The following SCUBE3 variants were observed in gnomAD, a reference collection of about 807,000 sequenced individuals.
SCUBE3 encodes signal peptide, CUB domain and EGF like domain containing 3, also known as signal peptide, CUB and EGF-like domain-containing protein 3.
SCUBE3 carries 33 observed loss-of-function variants against 116.8 expected under a neutral mutation model. The observed-to-expected ratio is 0.28, with a 90% CI of 0.21 to 0.38. SCUBE3 has a LOEUF of 0.38. Among genes scored for constraint, SCUBE3 ranks in the 10% least tolerant of loss-of-function variants. The pLI, the probability that SCUBE3 is intolerant of heterozygous loss-of-function variation, is 1.00. For synonymous variants in SCUBE3, 418 were observed against 496.9 expected, an observed-to-expected ratio of 0.84 and a Z score of 2.11; for missense variants, 1,007 against 1,324.8, an observed-to-expected ratio of 0.76 and a Z score of 3.72.
rs759199607 is a variant in SCUBE3, at chr6:35,227,746, A to AG, written c.208+46dup. ...CTGGAGGAGAGGGACCTGTGGAAGA[A>AG]GGCAAACCAGTGCCACTGCCCTCAG... On this transcript the variant is annotated intron_variant, in intron 2 of 21. Coordinates refer to ENST00000274938, the MANE Select transcript of SCUBE3 (RefSeq NM_152753.4). 9.9e-6 allele frequency: 16 copies of AG among 1,609,386 alleles called. No individual in the cohort carries two copies. The East Asian group carries it at 3.6e-4, about 36-fold the overall frequency.
rs758921237 is a variant in SCUBE3 at position 35,232,874 on chromosome 6, A to G, written c.494A>G (p.Asn165Ser). The change falls in exon 5 of 22, where the codon AAC becomes AGC. Residue 165 changes from asparagine to serine, a missense_variant. Around this residue, in one of 5 missense-constraint regions of SCUBE3, gnomAD observed 214 missense variants for 316.7 expected, o/e 0.68. Coordinates refer to ENST00000274938, the MANE Select transcript of SCUBE3 (RefSeq NM_152753.4). This position sits in a 1 kb window ranked among gnomAD's most constrained non-coding sequence, Gnocchi z 4.2. ...GAAGGAATGAATTGCATGAACAAGA[A>G]CCACGGCTGTGCCCACATTTGCCGG... ...PEEGMNCMNK[N>S]HGCAHICRET... The G allele has an allele frequency of 1.9e-6, 3 of 1,614,088 alleles. No homozygotes were observed. The highest frequency in any genetic ancestry group is 2.5e-6 in the Non-Finnish European group (3 of 1,179,998).
Position 35,241,983 on chromosome 6 carries a change from A to G in SCUBE3, c.1417+73A>G. The G allele has an allele frequency of 8.9e-7, 1 of 1,122,398 alleles. No individual in the cohort carries two copies. Among genetic ancestry groups the G allele is most frequent in the Admixed American group, 1.7e-5 (1 of 58,486 alleles). 69.5% of individuals were successfully genotyped at this position (1,122,398 alleles called of 1,614,324 possible). On this transcript the variant is annotated intron_variant, in intron 12 of 21. Coordinates refer to ENST00000274938, the MANE Select transcript of SCUBE3 (RefSeq NM_152753.4). This position sits in a 1 kb window ranked among gnomAD's most constrained non-coding sequence, Gnocchi z 4.1. The stretch of plus-strand genomic sequence containing the variant: ...AATCCCTTATTTTTGTTCTTCATCA[A>G]TCCCCTGGCCTTCCTTTCTCCTGGA...
At position 35,214,451 on chromosome 6, in the gene SCUBE3, G is replaced by A. The variant is rs1023964307; in HGVS notation, c.33G>A (p.Leu11=). 1.3e-6 allele frequency: 2 copies of A among 1,506,314 alleles called. No individual in the cohort carries two copies. The highest frequency in any genetic ancestry group is 1.4e-5 in the African/African-American group (1 of 69,942). The allele number at this position is 1,506,314 out of a possible 1,614,324, so 93.3% of individuals were successfully genotyped here. A position where few individuals can be genotyped will look rare whatever the true frequency, so the allele number is the denominator to read the frequency against. Reference sequence around the variant, plus strand: ...CGGGGCGCGTACCCGGGCTCTGCCTGCTTGTCCTGCTGGTCCACGCCCGCG... The same window carrying A: ...CGGGGCGCGTACCCGGGCTCTGCCTACTTGTCCTGCTGGTCCACGCCCGCG... MGSGRVPGLC[L]LVLLVHARAA... Residue 11 remains leucine (L), a synonymous_variant, in exon 1 of 22, where the codon CTG becomes CTA. Coordinates refer to ENST00000274938, the MANE Select transcript of SCUBE3 (RefSeq NM_152753.4). This position sits in a 1 kb window ranked among gnomAD's most constrained non-coding sequence, Gnocchi z 6.3.
In SCUBE3 at chr6:35,235,376, G is replaced by A. The variant is rs1783725230; in HGVS notation, c.712+2075G>A. 1.4e-6 allele frequency: 1 copy of A among 711,904 alleles called. No individual in the cohort carries two copies. Among genetic ancestry groups the A allele is most frequent in the Non-Finnish European group, 2.2e-6 (1 of 460,016 alleles). The allele number at this position is 711,904 out of a possible 1,614,324, so 44.1% of individuals were successfully genotyped here. On this transcript the variant is annotated intron_variant, in intron 6 of 21. Coordinates refer to ENST00000274938, the MANE Select transcript of SCUBE3 (RefSeq NM_152753.4). The surrounding 1 kb of genome is among the most constrained non-coding windows in gnomAD (Gnocchi z 4.5). ...GCAGTGGGGAGGAGAGGGTGGGGAGGGGTCCGGGGCCAGAGGGCCACAGTG... is the reference window on the plus strand; with the variant it reads ...GCAGTGGGGAGGAGAGGGTGGGGAGAGGTCCGGGGCCAGAGGGCCACAGTG...
At position 35,233,353 on chromosome 6, in the gene SCUBE3, G is replaced by A. The variant is rs936958235; in HGVS notation, c.712+52G>A. 2.9e-6 allele frequency: 3 copies of A among 1,026,174 alleles called. No individual in the cohort carries two copies. In the African/African-American group the frequency reaches 4.7e-5, roughly 16 times the overall value. The allele number at this position is 1,026,174 out of a possible 1,614,324, so 63.6% of individuals were successfully genotyped here. A position where few individuals can be genotyped will look rare whatever the true frequency, so the allele number is the denominator to read the frequency against. ...TCCACCTGAGATGGGGTGGGGGTGG[G>A]ACCCTTTGGGAACCAGGGAAGTGGA... On this transcript the variant is annotated intron_variant, in intron 6 of 21. Coordinates refer to ENST00000274938, the MANE Select transcript of SCUBE3 (RefSeq NM_152753.4). The surrounding 1 kb of genome is among the most constrained non-coding windows in gnomAD (Gnocchi z 5.7).
rs1784591054 is a variant in SCUBE3 at position 35,252,578 on chromosome 6, GA to G, written c.*3877del. On this transcript the variant is annotated 3_prime_UTR_variant, in exon 22 of 22. Coordinates refer to ENST00000274938, the MANE Select transcript of SCUBE3 (RefSeq NM_152753.4). ...GACAAAGTATAACTGAGCATAAGCAGAAAATGTTAACCCTCCAGGTTTCTTT... is the reference window on the plus strand; with the variant it reads ...GACAAAGTATAACTGAGCATAAGCAGAAATGTTAACCCTCCAGGTTTCTTT... The G allele has an allele frequency of 6.6e-6, 1 of 152,306 alleles. No individual in the cohort carries two copies. Among genetic ancestry groups the G allele is most frequent in the African/African-American group, 2.4e-5 (1 of 41,576 alleles). 9.4% of individuals were successfully genotyped at this position (152,306 alleles called of 1,614,324 possible). A position where few individuals can be genotyped will look rare whatever the true frequency, so the allele number is the denominator to read the frequency against.
chr6:35,248,496 G>A, intron 21 of SCUBE3, 60 bp from the exon 22 acceptor site: 1 of 1,525,944 alleles, frequency 6.6e-7, no homozygotes, highest in Admixed American at 1.7e-5. Flanking sequence ...CTGAGTCATG[G>A]TGTTTCTCTT....
chr6:35,233,860 A>C lies in SCUBE3; in HGVS notation c.712+559A>C, dbSNP rs1783649909. ...CTTCTCTCCTCACTCTCCTCCTGCA[A>C]CTCCCCTTTCTACTCACCTCACCTT... On this transcript the variant is annotated intron_variant, in intron 6 of 21. Coordinates refer to ENST00000274938, the MANE Select transcript of SCUBE3 (RefSeq NM_152753.4). The surrounding 1 kb of genome is among the most constrained non-coding windows in gnomAD (Gnocchi z 5.7). 6.7e-6 allele frequency among the ~76,000 whole-genome samples: 1 copy of C among 149,672 alleles called. No individual in the cohort carries two copies. The highest frequency in any genetic ancestry group is 2.5e-5 in the African/African-American group (1 of 40,460).
At chr6:35,218,102 G>A in intron 1 of SCUBE3, 1 of 983,976 alleles carries the variant, frequency 1.0e-6, no homozygotes, top group Non-Finnish European at 1.2e-6. Flanking sequence ...GCCCTCAAAT[G>A]AGATTGTTTT....
intron 1 of SCUBE3, among the ~76,000 whole-genome samples, chr6:35,216,090 T>G (rs1228346097): frequency 6.6e-6 from 1 of 152,254 alleles, no homozygotes; most frequent in Non-Finnish European, 1.5e-5. Flanking sequence ...AGCCAGTGTC[T>G]GTAGTGGCCT....
Position 35,241,131 on chromosome 6 carries a change from C to G in SCUBE3, c.1070-10C>G. On this transcript the variant is annotated splice_polypyrimidine_tract_variant and intron_variant, in intron 9 of 21. Coordinates refer to ENST00000274938, the MANE Select transcript of SCUBE3 (RefSeq NM_152753.4). This position sits in a 1 kb window ranked among gnomAD's most constrained non-coding sequence, Gnocchi z 4.1. ...TCGTTGTTTTTCTGTCTCCCTACTC[C>G]TTCCCCCAGATGTGGATGAATGCAG... is the stretch of plus-strand genomic sequence containing the variant. The G allele has an allele frequency of 1.3e-6, 2 of 1,584,072 alleles. No homozygotes were observed. Among genetic ancestry groups the G allele is most frequent in the Non-Finnish European group, 1.7e-6 (2 of 1,157,310 alleles).
rs1358449610 is a variant in SCUBE3, at chr6:35,232,349, C to A, written c.469+490C>A. Among the ~76,000 whole-genome samples, 1 of 152,164 alleles carries A rather than the reference C, an allele frequency of 6.6e-6. No individual in the cohort carries two copies. Among genetic ancestry groups the A allele is most frequent in the East Asian group, 1.9e-4 (1 of 5,200 alleles). On this transcript the variant is annotated intron_variant, in intron 4 of 21. Coordinates refer to ENST00000274938, the MANE Select transcript of SCUBE3 (RefSeq NM_152753.4). This position sits in a 1 kb window ranked among gnomAD's most constrained non-coding sequence, Gnocchi z 4.2. ...TGTATCCCCAGCACCTAACATACTGCCCTGCGTGTAGTGAGAGTTTAATAA... is the reference window on the plus strand; with the variant it reads ...TGTATCCCCAGCACCTAACATACTGACCTGCGTGTAGTGAGAGTTTAATAA...
intron 1 of SCUBE3, among the ~76,000 whole-genome samples, 162 bp from the exon 2 acceptor site, chr6:35,227,418 C>T (rs2150292875): frequency 6.6e-6 from 1 of 152,094 alleles, no homozygotes; most frequent in East Asian, 1.9e-4. Flanking sequence ...TCAGTGTCTG[C>T]CTACTCTGAA....
intron 1 of SCUBE3, among the ~76,000 whole-genome samples, chr6:35,216,572 C>G (rs1016114322): frequency 6.6e-6 from 1 of 152,186 alleles, no homozygotes; most frequent in Non-Finnish European, 1.5e-5. Flanking sequence ...AACTTGCAGG[C>G]AGATGCTGCA....
In SCUBE3 at chr6:35,226,793, C is replaced by G. The variant is rs1055576868; in HGVS notation, c.86-787C>G. 4.6e-5 allele frequency among the ~76,000 whole-genome samples: 7 copies of G among 152,132 alleles called. No homozygotes were observed. The East Asian group carries it at 1.4e-3, about 29-fold the overall frequency. On this transcript the variant is annotated intron_variant, in intron 1 of 21. Coordinates refer to ENST00000274938, the MANE Select transcript of SCUBE3 (RefSeq NM_152753.4). ...GCGCCTGGCATCATCTATGTCCTTTCCTAACCATCCTCTTTTTTGCTAGAT... is the reference window on the plus strand; with the variant it reads ...GCGCCTGGCATCATCTATGTCCTTTGCTAACCATCCTCTTTTTTGCTAGAT...
In SCUBE3 at chr6:35,248,967, G is replaced by C; in HGVS notation, c.*262G>C. The stretch of plus-strand genomic sequence containing the variant: ...TCAGTACTGGCTCTAGTCCCCGTGA[G>C]ATGTAAAGAAACAGTACAGCCCCTT... On this transcript the variant is annotated 3_prime_UTR_variant, in exon 22 of 22. Transcript: ENST00000274938. 2.1e-6 allele frequency: 1 copy of C among 466,930 alleles called. No individual in the cohort carries two copies. Among genetic ancestry groups the C allele is most frequent in the South Asian group, 2.8e-5 (1 of 35,602 alleles). 28.9% of individuals were successfully genotyped at this position (466,930 alleles called of 1,614,324 possible). A position where few individuals can be genotyped will look rare whatever the true frequency, so the allele number is the denominator to read the frequency against.
At position 35,235,245 on chromosome 6, in the gene SCUBE3, G is replaced by C. The variant is rs986142535; in HGVS notation, c.712+1944G>C. Among the ~76,000 whole-genome samples the C allele has an allele frequency of 6.6e-6, 1 of 152,102 alleles. No homozygotes were observed. The highest frequency in any genetic ancestry group is 1.5e-5 in the Non-Finnish European group (1 of 68,010). ...CTGTTTCAGTTTTTCAGTCACTTGC[G>C]GGGAGCTTGGCATCTTTGGGGATAC... On this transcript the variant is annotated intron_variant, in intron 6 of 21. Transcript: ENST00000274938. This position sits in a 1 kb window ranked among gnomAD's most constrained non-coding sequence, Gnocchi z 4.5.
At chr6:35,242,137 A>C (rs1180000374) in intron 12 of SCUBE3, 67 bp from the exon 13 acceptor site, 1 of 1,189,216 alleles carries the variant, frequency 8.4e-7, no homozygotes, top group Non-Finnish European at 1.3e-6. Context: ...GCTTCTCAAC[A>C]ACCCCTACGG....
rs1232554381 is a variant in SCUBE3, at chr6:35,244,763, A to C, written c.2353A>C (p.Asn785His). Residue 785 changes from asparagine to histidine, a missense_variant, in exon 18 of 22, where the codon AAC becomes CAC. Transcript: ENST00000274938. The surrounding 1 kb of genome is among the most constrained non-coding windows in gnomAD (Gnocchi z 4.3). ...GAACTTCTGCAGCCGCTGTCCAGGA[A>C]ACACAAGCACAGACTTTGATGGCTC... ...RQNFCSRCPG[N>H]TSTDFDGSTS... 11 of 1,614,104 alleles carry C rather than the reference A, an allele frequency of 6.8e-6. No individual in the cohort carries two copies. In the East Asian group the frequency reaches 2.2e-4, roughly 33 times the overall value.
Sources: gnomAD v4.1 joint callset for allele counts (sites outside exome capture counted in the v4.1 genomes callset) on GRCh38, gnomAD v4.1.1 for gene constraint, gnomAD v4.1.1 regional missense constraint, Gnocchi (gnomAD v3.1) non-coding constraint, MANE v1.5 for transcripts, NCBI Gene and HGNC (gene_info 2026-07-23, HGNC 2026-07-21) for gene names.